Variants in RNGTT observed in about 807,000 individuals in gnomAD.
The protein encoded by RNGTT is RNA guanylyltransferase and 5'-phosphatase, also known as mRNA-capping enzyme.
Under a neutral mutation model 79.3 loss-of-function variants are expected in RNGTT, and 33 were observed. The observed-to-expected ratio is 0.42, with a 90% CI of 0.32 to 0.56. The LOEUF (loss-of-function observed/expected upper bound fraction) is 0.56. RNGTT is among the 20% of genes least tolerant of loss of function. The pLI, the probability that RNGTT is intolerant of heterozygous loss-of-function variation, is 0.17. For synonymous variants in RNGTT, 222 were observed against 235.9 expected (o/e 0.94, Z 0.54); for missense variants, 497 against 739.1 (o/e 0.67, Z 3.80).
At chr6:88,858,620 C>T (rs994572182) in intron 8 of RNGTT, among the ~76,000 whole-genome samples, 2 of 152,202 alleles carry the variant, frequency 1.3e-5, no homozygotes, top group African/African-American at 2.4e-5. Context: ...CTCACCAGGT[C>T]AGTAAAATTA....
intron 14 of RNGTT, among the ~76,000 whole-genome samples, chr6:88,656,029 T>C (rs1028866393): frequency 1.3e-5 from 2 of 152,090 alleles, no homozygotes; most frequent in Non-Finnish European, 2.9e-5. Flanking sequence ...AACTAGAACA[T>C]ATCTACAAAA....
At chr6:88,691,903 G>T (rs560610674) in intron 13 of RNGTT, among the ~76,000 whole-genome samples, 3 of 152,212 alleles carry the variant, frequency 2.0e-5, no homozygotes, top group African/African-American at 7.2e-5. Context: ...TATTTTAAGA[G>T]ATGAGCTTCC....
chr6:88,944,802 T>G (rs760991008), intron 1 of RNGTT, among the ~76,000 whole-genome samples: 2 of 152,212 alleles, frequency 1.3e-5, no homozygotes, highest in Admixed American at 6.5e-5. Context: ...AATTTAGTTT[T>G]TGAGCTCCCA....
chr6:88,891,242 G>A (rs1783038863), intron 7 of RNGTT, among the ~76,000 whole-genome samples: 1 of 151,902 alleles, frequency 6.6e-6, no homozygotes, highest in Admixed American at 6.6e-5. Flanking sequence ...TTTATATTAG[G>A]AATTAACAAT....
intron 14 of RNGTT, among the ~76,000 whole-genome samples, chr6:88,640,835 T>G (rs1282482186): frequency 6.6e-6 from 1 of 152,162 alleles, no homozygotes; most frequent in Admixed American, 6.6e-5. Context: ...ATTTATGTTG[T>G]AAGCTCCCAA....
chr6:88,704,273 A>AAAAAC lies in RNGTT; in HGVS notation c.1440-25855_1440-25854insGTTTT, dbSNP rs1562206053. On this transcript the variant is annotated intron_variant, in intron 13 of 15. Transcript: ENST00000369485. ...AGACTCTGTCTCAAAAAAAAAAAAAAAAAAAAAAAAAAAGACAGACTTCAA... is the reference window on the plus strand; with the variant it reads ...AGACTCTGTCTCAAAAAAAAAAAAAAAAAACAAAAAAAAAAAAAGACAGACTTCAA... 3.3e-3 allele frequency among the ~76,000 whole-genome samples: 500 copies of AAAAAC among 149,884 alleles called. 8 individuals carry two copies. Among genetic ancestry groups the AAAAAC allele is most frequent in the African/African-American group, 0.012 (483 of 40,582 alleles).
At chr6:88,895,401 C>G (rs1783205131) in intron 6 of RNGTT, among the ~76,000 whole-genome samples, 3 of 152,092 alleles carry the variant, frequency 2.0e-5, no homozygotes, top group African/African-American at 7.2e-5. Context: ...ACCTGTAAGT[C>G]ATACTCTTCC....
intron 13 of RNGTT, among the ~76,000 whole-genome samples, chr6:88,760,957 G>A (rs1454345375): frequency 2.1e-5 from 3 of 145,134 alleles, no homozygotes; most frequent in African/African-American, 7.7e-5. Flanking sequence ...CAATCCTCCT[G>A]CCTCAGCTTC....
chr6:88,614,155 G>T (rs1772133720), intron 15 of RNGTT, 117 bp downstream of exon 15: 3 of 939,268 alleles, frequency 3.2e-6, no homozygotes, highest in East Asian at 2.5e-5. Flanking sequence ...ATCAAACAAG[G>T]ATGAAGTCCA....
chr6:88,626,411 C>A (rs1376427866), intron 14 of RNGTT, among the ~76,000 whole-genome samples: 1 of 151,934 alleles, frequency 6.6e-6, no homozygotes, highest in African/African-American at 2.4e-5. Context: ...GACAATTTTA[C>A]CTCTTGAGTA....
chr6:88,905,968 G>A (rs1206611491), intron 5 of RNGTT, among the ~76,000 whole-genome samples: 1 of 152,024 alleles, frequency 6.6e-6, no homozygotes, highest in Non-Finnish European at 1.5e-5. Context: ...AACATATGGA[G>A]ACCTCCTCAC....
chr6:88,793,728 A>G (rs891635952), intron 12 of RNGTT, among the ~76,000 whole-genome samples: 2 of 152,158 alleles, frequency 1.3e-5, no homozygotes, highest in African/African-American at 4.8e-5. Context: ...CCTGGGAACC[A>G]TGGGTTGCAG....
chr6:88,796,928 T>G (rs1316545496), intron 12 of RNGTT, among the ~76,000 whole-genome samples: 1 of 152,042 alleles, frequency 6.6e-6, no homozygotes, highest in African/African-American at 2.4e-5. Flanking sequence ...TTCTGGAAAT[T>G]TCTGACATTT....
chr6:88,885,339 G>A (rs1782822803), intron 8 of RNGTT, among the ~76,000 whole-genome samples: 1 of 152,162 alleles, frequency 6.6e-6, no homozygotes, highest in African/African-American at 2.4e-5. Context: ...CAAAAAATGA[G>A]GGAGAGATGT....
chr6:88,660,262 A>G (rs1198707561), intron 14 of RNGTT, among the ~76,000 whole-genome samples: 1 of 152,224 alleles, frequency 6.6e-6, no homozygotes, highest in East Asian at 1.9e-4. Flanking sequence ...CAAGGTATTC[A>G]GGCAACAACT....
At chr6:88,826,568 G>A (rs183856690) in intron 11 of RNGTT, among the ~76,000 whole-genome samples, 7 of 152,034 alleles carry the variant, frequency 4.6e-5, no homozygotes, top group Non-Finnish European at 8.8e-5. Flanking sequence ...CAGATCACCT[G>A]AGGCCGGAAG....
At chr6:88,812,147 T>C (rs1780159711) in intron 11 of RNGTT, among the ~76,000 whole-genome samples, 1 of 152,228 alleles carries the variant, frequency 6.6e-6, no homozygotes, top group South Asian at 2.1e-4. Flanking sequence ...TATTTACCAA[T>C]AGTGCCTAAA....
intron 12 of RNGTT, among the ~76,000 whole-genome samples, chr6:88,788,739 C>T (rs1170790316): frequency 1.3e-5 from 2 of 152,172 alleles, no homozygotes; most frequent in African/African-American, 4.8e-5. Flanking sequence ...AGTGAGTGAA[C>T]TAGATAACCT....
chr6:88,878,883 G>A (rs1405880050), intron 8 of RNGTT, among the ~76,000 whole-genome samples: 3 of 152,128 alleles, frequency 2.0e-5, no homozygotes, highest in African/African-American at 7.2e-5. Flanking sequence ...GTAGTTCACT[G>A]AAAATTATTC....
Sources: gnomAD v4.1 joint callset for allele counts (sites outside exome capture counted in the v4.1 genomes callset) on GRCh38, gnomAD v4.1.1 for gene constraint, MANE v1.5 for transcripts, NCBI Gene and HGNC (gene_info 2026-07-23, HGNC 2026-07-21) for gene names.